CPNE8: variants seen among roughly 807,000 people sequenced by gnomAD.
CPNE8 encodes the protein copine-8.
A neutral mutation model predicts 81.5 loss-of-function variants in CPNE8; 45 were observed. The observed-to-expected ratio is 0.55, with a 90% CI of 0.44 to 0.71. The LOEUF is 0.71. Ranked by LOEUF, CPNE8 falls within the 30% of genes least tolerant of loss-of-function variation. The pLI, the probability that CPNE8 is intolerant of heterozygous loss-of-function variation, is 0.00. For missense variants in CPNE8, 594 were observed against 672.1 expected (o/e 0.88, Z 1.28); for synonymous variants, 252 against 226.3 (o/e 1.11, Z -1.02).
At chr12:38,719,598 A>G (rs200240338) in intron 13 of CPNE8, among the ~76,000 whole-genome samples, 8 of 151,296 alleles carry the variant, frequency 5.3e-5, no homozygotes, top group Admixed American at 2.0e-4. Context: ...AAAAAAAAAA[A>G]AAAGAAAGAA....
At chr12:38,786,704 C>T (rs988532271) in intron 6 of CPNE8, among the ~76,000 whole-genome samples, 2 of 152,042 alleles carry the variant, frequency 1.3e-5, no homozygotes, top group Non-Finnish European at 2.9e-5. Flanking sequence ...TTATATCAGA[C>T]AAAATAGGTT....
chr12:38,807,989 A>C (rs978357348), intron 6 of CPNE8, among the ~76,000 whole-genome samples: 2 of 152,074 alleles, frequency 1.3e-5, no homozygotes, highest in African/African-American at 4.8e-5. Context: ...GCAGCCAAAA[A>C]ACACATGGAA....
At chr12:38,833,261 G>A (rs544529229) in intron 5 of CPNE8, among the ~76,000 whole-genome samples, 1 of 150,656 alleles carries the variant, frequency 6.6e-6, no homozygotes. Flanking sequence ...GCTAAGGCAG[G>A]AGAATCGCTT....
chr12:38,794,933 G>A (rs1394903416), intron 6 of CPNE8, among the ~76,000 whole-genome samples: 1 of 152,138 alleles, frequency 6.6e-6, no homozygotes, highest in Non-Finnish European at 1.5e-5. Flanking sequence ...TGTCAGTATG[G>A]CTAGAATAAA....
intron 6 of CPNE8, among the ~76,000 whole-genome samples, chr12:38,809,247 G>A (rs1157187126): frequency 2.0e-5 from 3 of 152,154 alleles, no homozygotes; most frequent in Admixed American, 1.3e-4. Flanking sequence ...CGGCCAGCTT[G>A]TGTTCTTATC....
At chr12:38,760,435 G>GTGTATATATATATATA (rs1555154496) in intron 10 of CPNE8, among the ~76,000 whole-genome samples, 11 of 127,252 alleles carry the variant, frequency 8.6e-5, no homozygotes, top group African/African-American at 3.1e-4. Flanking sequence ...TGTATGGTGT[G>GTGTATATATATATATA]TATATATATA....
chr12:38,816,313 A>T (rs1277208769), intron 6 of CPNE8, among the ~76,000 whole-genome samples: 3 of 152,178 alleles, frequency 2.0e-5, no homozygotes, highest in Admixed American at 2.0e-4. Context: ...ACAAGGCACA[A>T]CAGGTCTCTA....
At chr12:38,674,821 T>C (rs1486354) in intron 18 of CPNE8, among the ~76,000 whole-genome samples, 15,104 of 152,148 alleles carry the variant, frequency 0.099, 2,493 homozygotes, top group African/African-American at 0.34. Context: ...ACCTCAGTGA[T>C]AATTACAATC....
chr12:38,783,264 T>C lies in CPNE8; in HGVS notation c.408-6963A>G, dbSNP rs545986644. Among the ~76,000 whole-genome samples the C allele has an allele frequency of 3.3e-5, 5 of 152,242 alleles. No homozygotes were observed. The East Asian group carries it at 9.7e-4, about 29-fold the overall frequency. On this transcript the variant is annotated intron_variant, in intron 6 of 19. Coordinates refer to ENST00000331366, the MANE Select transcript of CPNE8 (RefSeq NM_153634.3). ...CTCCTGCAAAGACAACTATCTATAT[T>C]TTAACAACTATCTATACACACACAC...
intron 10 of CPNE8, among the ~76,000 whole-genome samples, chr12:38,737,774 G>C (rs1940988468): frequency 6.6e-6 from 1 of 151,878 alleles, no homozygotes; most frequent in Non-Finnish European, 1.5e-5. Flanking sequence ...TTCATATTTT[G>C]ATAAGAAAGC....
chr12:38,789,589 A>G (rs1942276681), intron 6 of CPNE8, among the ~76,000 whole-genome samples: 1 of 151,900 alleles, frequency 6.6e-6, no homozygotes, highest in South Asian at 2.1e-4. Context: ...GAAAAAATGG[A>G]CAAATCAGAT....
chr12:38,674,217 TAC>T (rs1939239380), intron 18 of CPNE8, among the ~76,000 whole-genome samples: 1 of 152,104 alleles, frequency 6.6e-6, no homozygotes, highest in African/African-American at 2.4e-5. Flanking sequence ...AGAAATGTGT[TAC>T]CAGAAATATA....
chr12:38,733,063 G>A (rs1056802340), intron 10 of CPNE8, among the ~76,000 whole-genome samples: 44 of 151,890 alleles, frequency 2.9e-4, no homozygotes, highest in African/African-American at 9.9e-4. Flanking sequence ...GTGAGGATTT[G>A]CTAAAAGTCA....
chr12:38,817,432 G>A (rs1943043470), intron 6 of CPNE8, among the ~76,000 whole-genome samples: 1 of 152,190 alleles, frequency 6.6e-6, no homozygotes, highest in South Asian at 2.1e-4. Flanking sequence ...TTGAGGAAGA[G>A]TTGCATGGGT....
intron 6 of CPNE8, among the ~76,000 whole-genome samples, chr12:38,808,510 T>A (rs71463391): frequency 6.8e-6 from 1 of 146,158 alleles, no homozygotes; most frequent in Admixed American, 7.2e-5. Context: ...AGAACAAAAA[T>A]CCAAACACCG....
upstream of CPNE8, chr12:38,905,744 C>T (rs1206123551): frequency 3.6e-6 from 5 of 1,405,148 alleles, no homozygotes; most frequent in Non-Finnish European, 4.6e-6. Context: ...GTGAAACTGA[C>T]GCTGCCAGGC....
At chr12:38,713,478 T>C (rs1940312227) in intron 13 of CPNE8, among the ~76,000 whole-genome samples, 1 of 152,178 alleles carries the variant, frequency 6.6e-6, no homozygotes, top group Non-Finnish European at 1.5e-5. Context: ...ATCTGATGAT[T>C]GCTGTGTGAC....
chr12:38,866,349 C>T (rs913092855), intron 3 of CPNE8, among the ~76,000 whole-genome samples: 4 of 152,138 alleles, frequency 2.6e-5, no homozygotes, highest in Non-Finnish European at 5.9e-5. Context: ...CAAATCTTTT[C>T]TAAAAGACAG....
chr12:38,902,441 A>T (rs1944504859), intron 1 of CPNE8, among the ~76,000 whole-genome samples: 1 of 150,870 alleles, frequency 6.6e-6, no homozygotes, highest in Admixed American at 6.6e-5. Flanking sequence ...AAGAAAGGAG[A>T]GAGAGAAAGA....
Sources: gnomAD v4.1 joint callset for allele counts (sites outside exome capture counted in the v4.1 genomes callset) on GRCh38, gnomAD v4.1.1 for gene constraint, MANE v1.5 for transcripts, NCBI Gene and HGNC (gene_info 2026-07-23, HGNC 2026-07-21) for gene names.